The following ZNF793 variants were observed in gnomAD, a reference collection of about 807,000 sequenced individuals.
The protein encoded by ZNF793 is zinc finger protein 793.
ZNF793 carries 5 observed loss-of-function variants against 12.4 expected under a neutral mutation model. The observed-to-expected ratio is 0.40, with a 90% confidence interval of 0.21 to 0.84. ZNF793 has a LOEUF of 0.84. Ranked by LOEUF, ZNF793 falls within the 40% of genes least tolerant of loss-of-function variation. The pLI, the probability that ZNF793 is intolerant of heterozygous loss-of-function variation, is 0.35. For synonymous variants in ZNF793, 162 were observed against 172.4 expected (o/e 0.94, Z 0.47); for missense variants, 456 against 495.0 (o/e 0.92, Z 0.75).
Position 37,536,950 on chromosome 19 carries a change from A to G in ZNF793, c.292A>G (p.Arg98Gly), listed in dbSNP as rs1229740951. ...QRKRRQDMLL[R>G]PGAAISKKTL... ...GAAAAGACGGCAAGACATGCTTTTG[A>G]GGCCAGGCGCAGCCATAAGCAAGAA... The change falls in exon 8 of 8, where the codon AGG becomes GGG. Residue 98 changes from arginine to glycine, a missense_variant. By Grantham distance (125) the Arg-to-Gly change is moderately radical. Coordinates refer to ENST00000627814, the MANE Select transcript of ZNF793 (RefSeq NM_001013659.3). 1.2e-6 allele frequency: 2 copies of G among 1,613,344 alleles called. No homozygotes were observed. Among genetic ancestry groups the G allele is most frequent in the Admixed American group, 3.3e-5 (2 of 59,858 alleles).
chr19:37,529,519 G>A (rs1457927919), intron 5 of ZNF793, among the ~76,000 whole-genome samples: 10 of 152,010 alleles, frequency 6.6e-5, no homozygotes, highest in Admixed American at 5.2e-4. Flanking sequence ...CTGAGACAGA[G>A]TCTCATTCTA....
intron 6 of ZNF793, 40 bp from the exon 7 acceptor site, chr19:37,533,268 G>A: frequency 1.3e-6 from 2 of 1,589,532 alleles, no homozygotes; most frequent in African/African-American, 2.7e-5. Context: ...TGAAGACCAA[G>A]GAGCTCAGCC....
chr19:37,518,993 G>A (rs1325187682), intron 2 of ZNF793, among the ~76,000 whole-genome samples: 1 of 152,194 alleles, frequency 6.6e-6, no homozygotes, highest in Non-Finnish European at 1.5e-5. Context: ...AGGGCTGGGC[G>A]CGGTGGCTCA....
chr19:37,510,150 C>T (rs915637673), intron 2 of ZNF793, among the ~76,000 whole-genome samples: 17 of 151,950 alleles, frequency 1.1e-4, no homozygotes, highest in African/African-American at 3.9e-4. Flanking sequence ...TGTTTGAGGC[C>T]AGGATCTTGA....
chr19:37,537,565 A>T lies in ZNF793; in HGVS notation c.907A>T (p.Arg303Ter). The change falls in exon 8 of 8, where the codon AGA becomes TGA. Residue 303 changes from arginine (R) to a stop codon, truncating the protein, a stop_gained. Transcript: ENST00000627814. LOFTEE classifies it low-confidence loss of function (END_TRUNC). ...GAAGTCACACCGCACAGAACATCAG[A>T]GAACACACACAGGAGAGAGACCCTT... The part of the protein sequence containing the change: ...TQKSHRTEHQ[R>*]THTGERPFVC... 6.2e-7 allele frequency: 1 copy of T among 1,614,234 alleles called. No individual in the cohort carries two copies. The highest frequency in any genetic ancestry group is 8.5e-7 in the Non-Finnish European group (1 of 1,180,038).
chr19:37,527,928 G>A (rs764760681), intron 5 of ZNF793, among the ~76,000 whole-genome samples: 1 of 151,580 alleles, frequency 6.6e-6, no homozygotes, highest in Non-Finnish European at 1.5e-5. Flanking sequence ...AGACCAGCCT[G>A]GACAACATGG....
intron 2 of ZNF793, among the ~76,000 whole-genome samples, chr19:37,514,587 T>TAGATAGAC (rs1295309286): frequency 1.6e-4 from 13 of 83,714 alleles, no homozygotes; most frequent in Non-Finnish European, 2.2e-5. Flanking sequence ...GATAGATAGA[T>TAGATAGAC]AGATAGATAG....
chr19:37,539,014 T>G lies in ZNF793; in HGVS notation c.*1135T>G, dbSNP rs1178462667. On this transcript the variant is annotated 3_prime_UTR_variant, in exon 8 of 8. Transcript: ENST00000627814. ...AACTTTATTATACCAGCTACATTTTTCCACCTTTTTGTAATACATGTAAAT... is the reference window on the plus strand; with the variant it reads ...AACTTTATTATACCAGCTACATTTTGCCACCTTTTTGTAATACATGTAAAT... 2 of 152,238 alleles carry G rather than the reference T, an allele frequency of 1.3e-5. No homozygotes were observed. The highest frequency in any genetic ancestry group is 1.5e-5 in the Non-Finnish European group (1 of 68,042). 9.4% of individuals were successfully genotyped at this position (152,238 alleles called of 1,614,324 possible). A position where few individuals can be genotyped will look rare whatever the true frequency, so the allele number is the denominator to read the frequency against.
intron 3 of ZNF793, 134 bp downstream of exon 3, chr19:37,520,446 CAA>C (rs1416607015): frequency 6.6e-6 from 1 of 152,344 alleles, no homozygotes; most frequent in African/African-American, 2.4e-5. Context: ...CTTGTCAGAG[CAA>C]AGACTCCCAC....
Position 37,528,060 on chromosome 19 carries a change from C to T in ZNF793, c.16-4296C>T, listed in dbSNP as rs138445470. Reference sequence around the variant, plus strand: ...AGGAGAATCGCTTGAGCCCAGGAGACGGAGGTTGCAGTGAGCCGAGACTGC... The same window carrying T: ...AGGAGAATCGCTTGAGCCCAGGAGATGGAGGTTGCAGTGAGCCGAGACTGC... On this transcript the variant is annotated intron_variant, in intron 5 of 7. Coordinates refer to ENST00000627814, the MANE Select transcript of ZNF793 (RefSeq NM_001013659.3). Among the ~76,000 whole-genome samples, 512 of 152,166 alleles carry T rather than the reference C, an allele frequency of 3.4e-3. 3 individuals carry two copies. Among genetic ancestry groups the T allele is most frequent in the African/African-American group, 0.012 (493 of 41,520 alleles).
intron 5 of ZNF793, among the ~76,000 whole-genome samples, chr19:37,530,167 C>T (rs906728787): frequency 3.3e-5 from 5 of 152,142 alleles, no homozygotes; most frequent in South Asian, 2.1e-4. Context: ...TATTGTTGCC[C>T]GCATGTCCCA....
At chr19:37,516,547 T>G (rs1244436894) in intron 2 of ZNF793, among the ~76,000 whole-genome samples, 1 of 152,126 alleles carries the variant, frequency 6.6e-6, no homozygotes, top group Non-Finnish European at 1.5e-5. Context: ...TAAGTCACAA[T>G]CACGTCACAA....
At chr19:37,516,743 T>C (rs1393693772) in intron 2 of ZNF793, among the ~76,000 whole-genome samples, 1 of 151,958 alleles carries the variant, frequency 6.6e-6, no homozygotes, top group Non-Finnish European at 1.5e-5. Context: ...ACCTCCCAGG[T>C]TCAAGCAATT....
At chr19:37,521,433 T>A (rs1231246698) in intron 3 of ZNF793, among the ~76,000 whole-genome samples, 4 of 142,810 alleles carry the variant, frequency 2.8e-5, no homozygotes, top group Non-Finnish European at 6.1e-5. Context: ...AATTCTCTTT[T>A]TTTTTTTTTT....
At chr19:37,523,967 T>C (rs2042394124) in intron 5 of ZNF793, among the ~76,000 whole-genome samples, 1 of 151,866 alleles carries the variant, frequency 6.6e-6, no homozygotes, top group African/African-American at 2.4e-5. Context: ...CTGGCCAACA[T>C]GGTGAAAGCC....
In ZNF793 at chr19:37,539,947, A is replaced by T. The variant is rs940086955; in HGVS notation, c.*2068A>T. 7.2e-5 allele frequency: 11 copies of T among 152,340 alleles called. No individual in the cohort carries two copies. Among genetic ancestry groups the T allele is most frequent in the African/African-American group, 2.6e-4 (11 of 41,574 alleles). 9.4% of individuals were successfully genotyped at this position (152,340 alleles called of 1,614,324 possible). ...CTGTACTCATTTATTTTATTAAGTC[A>T]GAATAAATTTTAACACCAAAATCAA... On this transcript the variant is annotated 3_prime_UTR_variant, in exon 8 of 8. Transcript: ENST00000627814.
At chr19:37,533,895 T>G (rs554779724) in intron 7 of ZNF793, 5 of 207,144 alleles carry the variant, frequency 2.4e-5, no homozygotes, top group Middle Eastern at 1.7e-3. Flanking sequence ...TGATTAACCC[T>G]CAGACTCACT....
intron 5 of ZNF793, 144 bp downstream of exon 5, chr19:37,523,598 C>T (rs977166443): frequency 1.1e-5 from 8 of 749,914 alleles, no homozygotes; most frequent in Non-Finnish European, 1.4e-5. Flanking sequence ...AGATTTTTCT[C>T]ACAGGAGGTT....
chr19:37,510,049 CT>C (rs1383767462), intron 2 of ZNF793, among the ~76,000 whole-genome samples: 4 of 152,076 alleles, frequency 2.6e-5, no homozygotes, highest in African/African-American at 7.2e-5. Flanking sequence ...ATAACAGATA[CT>C]TTTCCAGGTC....
Sources: allele counts gnomAD v4.1 joint callset (sites outside exome capture counted in the v4.1 genomes callset), GRCh38; gene constraint gnomAD v4.1.1; transcripts MANE v1.5; gene names NCBI Gene and HGNC (gene_info 2026-07-23, HGNC 2026-07-21).